AKAP6: variants seen among roughly 807,000 people sequenced by gnomAD.
AKAP6 encodes A-kinase anchoring protein 6, also known as A-kinase anchor protein 6.
A neutral mutation model predicts 188.5 loss-of-function variants in AKAP6; 58 were observed. That is an observed-to-expected ratio of 0.31 (90% CI 0.25 to 0.38). AKAP6 has a LOEUF of 0.38. Ranked by LOEUF, AKAP6 falls within the 10% of genes least tolerant of loss-of-function variation. The pLI is 1.00. For synonymous variants in AKAP6, 989 were observed against 998.6 expected (o/e 0.99, Z 0.18); for missense variants, 2,710 against 2,740.0 (o/e 0.99, Z 0.24).
chr14:32,457,388 G>T (rs1891181556), intron 2 of AKAP6, among the ~76,000 whole-genome samples: 1 of 152,100 alleles, frequency 6.6e-6, no homozygotes, highest in South Asian at 2.1e-4. Flanking sequence ...GCTTCAAATG[G>T]CCCTGGTGTG....
At chr14:32,604,656 T>A (rs902379022) in intron 7 of AKAP6, among the ~76,000 whole-genome samples, 1 of 152,140 alleles carries the variant, frequency 6.6e-6, no homozygotes, top group African/African-American at 2.4e-5. Context: ...TTATTTAACT[T>A]CCCTGTGCCT....
chr14:32,669,668 T>G (rs1214856636), intron 7 of AKAP6, among the ~76,000 whole-genome samples: 1 of 152,164 alleles, frequency 6.6e-6, no homozygotes, highest in Non-Finnish European at 1.5e-5. Context: ...CTGAATAATT[T>G]ATGAAGGAAA....
intron 1 of AKAP6, among the ~76,000 whole-genome samples, chr14:32,396,266 A>T (rs914916944): frequency 6.6e-6 from 1 of 152,190 alleles, no homozygotes; most frequent in Non-Finnish European, 1.5e-5. Flanking sequence ...ATGGCTTGCC[A>T]GCCTCATGGT....
intron 9 of AKAP6, among the ~76,000 whole-genome samples, chr14:32,714,571 A>C (rs765365019): frequency 1.0e-3 from 153 of 152,048 alleles, no homozygotes; most frequent in Non-Finnish European, 1.4e-3. Context: ...ACTTTTTTTC[A>C]GTGGCAGATA....
intron 2 of AKAP6, among the ~76,000 whole-genome samples, chr14:32,481,908 C>G (rs1173615535): frequency 6.6e-6 from 1 of 152,182 alleles, no homozygotes; most frequent in African/African-American, 2.4e-5. Context: ...TCTTTTCTCA[C>G]TGTGATCTCA....
intron 2 of AKAP6, among the ~76,000 whole-genome samples, chr14:32,443,594 G>C (rs1890662052): frequency 6.6e-6 from 1 of 152,110 alleles, no homozygotes; most frequent in Non-Finnish European, 1.5e-5. Flanking sequence ...AGGGCTTTTG[G>C]ATACATCTTG....
chr14:32,446,366 A>C (rs1267612222), intron 2 of AKAP6, among the ~76,000 whole-genome samples: 1 of 152,198 alleles, frequency 6.6e-6, no homozygotes, highest in African/African-American at 2.4e-5. Flanking sequence ...AAATGAATCT[A>C]AACTTTGTAT....
At chr14:32,558,608 C>A (rs1027430918) in intron 4 of AKAP6, among the ~76,000 whole-genome samples, 1 of 152,110 alleles carries the variant, frequency 6.6e-6, no homozygotes, top group Non-Finnish European at 1.5e-5. Context: ...TAAGAGAAAT[C>A]GTTGGTGTTT....
intron 7 of AKAP6, among the ~76,000 whole-genome samples, chr14:32,648,477 T>C (rs1888073518): frequency 6.6e-6 from 1 of 152,132 alleles, no homozygotes; most frequent in Admixed American, 6.6e-5. Context: ...TCTTCCTTTC[T>C]TGTTTATTAC....
chr14:32,406,527 GA>G (rs1356208898), intron 1 of AKAP6, among the ~76,000 whole-genome samples: 2 of 152,074 alleles, frequency 1.3e-5, no homozygotes, highest in African/African-American at 4.8e-5. Flanking sequence ...TTTTTATAAA[GA>G]AAATTTTAAA....
At chr14:32,499,368 G>T (rs1399619656) in intron 2 of AKAP6, among the ~76,000 whole-genome samples, 1 of 148,384 alleles carries the variant, frequency 6.7e-6, no homozygotes, top group Non-Finnish European at 1.5e-5. Flanking sequence ...GTGGAAGAAG[G>T]AATTTTAATT....
At chr14:32,720,534 G>A (rs751067944) in intron 9 of AKAP6, among the ~76,000 whole-genome samples, 2 of 152,208 alleles carry the variant, frequency 1.3e-5, no homozygotes, top group African/African-American at 2.4e-5. Flanking sequence ...TAATTCTTCA[G>A]TGGACTTTAA....
intron 11 of AKAP6, among the ~76,000 whole-genome samples, chr14:32,758,820 A>T (rs753144417): frequency 1.3e-5 from 2 of 152,238 alleles, no homozygotes; most frequent in Non-Finnish European, 2.9e-5. Context: ...ACTACTAAGT[A>T]CTATTTTAAA....
chr14:32,640,587 A>T (rs1392211031), intron 7 of AKAP6, among the ~76,000 whole-genome samples: 1 of 152,184 alleles, frequency 6.6e-6, no homozygotes, highest in Non-Finnish European at 1.5e-5. Flanking sequence ...CAATTCTTAA[A>T]ATAAGCCAGT....
chr14:32,396,691 G>T (rs960646930), intron 1 of AKAP6, among the ~76,000 whole-genome samples: 2 of 152,112 alleles, frequency 1.3e-5, no homozygotes, highest in Non-Finnish European at 2.9e-5. Context: ...TTTGTATGCA[G>T]ATGTGAGACT....
chr14:32,601,515 C>T (rs943239737), intron 7 of AKAP6, among the ~76,000 whole-genome samples: 7 of 152,174 alleles, frequency 4.6e-5, no homozygotes, highest in Non-Finnish European at 1.0e-4. Context: ...TCTTTGGGCT[C>T]ATAATGTGGA....
At chr14:32,590,098 G>A (rs1476334686) in intron 5 of AKAP6, among the ~76,000 whole-genome samples, 1 of 152,168 alleles carries the variant, frequency 6.6e-6, no homozygotes, top group Non-Finnish European at 1.5e-5. Context: ...GGGTTGTTGT[G>A]AAGGTGAAAT....
chr14:32,623,716 A>G (rs893119708), intron 7 of AKAP6, among the ~76,000 whole-genome samples: 6 of 152,022 alleles, frequency 3.9e-5, no homozygotes, highest in Non-Finnish European at 5.9e-5. Flanking sequence ...AGAGAAGGAA[A>G]TTTTTCTAGG....
chr14:32,574,790 A>T (rs1884648425), intron 4 of AKAP6, among the ~76,000 whole-genome samples: 1 of 152,200 alleles, frequency 6.6e-6, no homozygotes, highest in Non-Finnish European at 1.5e-5. Flanking sequence ...TCTCCCATTT[A>T]TAAACCATCT....
Sources: gnomAD v4.1 joint callset for allele counts (sites outside exome capture counted in the v4.1 genomes callset) on GRCh38, gnomAD v4.1.1 for gene constraint, MANE v1.5 for transcripts, NCBI Gene and HGNC (gene_info 2026-07-23, HGNC 2026-07-21) for gene names.